SEMA5A: variants seen among roughly 807,000 people sequenced by gnomAD.
SEMA5A encodes the protein semaphorin 5A.
A neutral mutation model predicts 135.5 loss-of-function variants in SEMA5A; 55 were observed. The ratio of observed to expected loss-of-function variants is 0.41; its 90% CI spans 0.33 to 0.51. The LOEUF (loss-of-function observed/expected upper bound fraction) is 0.51. SEMA5A is among the 20% of genes least tolerant of loss of function. The pLI is 0.37. For missense variants in SEMA5A, 1,290 were observed against 1,419.9 expected, an observed-to-expected ratio of 0.91 and a Z score of 1.47; for synonymous variants, 580 against 546.5, an observed-to-expected ratio of 1.06 and a Z score of -0.85.
At chr5:9,352,094 C>CGGT (rs1554023405) in intron 3 of SEMA5A, among the ~76,000 whole-genome samples, 2 of 132,252 alleles carry the variant, frequency 1.5e-5, no homozygotes, top group Non-Finnish European at 3.3e-5. Flanking sequence ...TGTAACAGGT[C>CGGT]GGGGGGGTTA....
intron 3 of SEMA5A, among the ~76,000 whole-genome samples, chr5:9,378,249 T>G (rs1755450143): frequency 6.6e-6 from 1 of 152,196 alleles, no homozygotes; most frequent in Non-Finnish European, 1.5e-5. Context: ...GGAACATTTA[T>G]TTTGCCTTTC....
At chr5:9,256,538 C>T (rs1311297279) in intron 5 of SEMA5A, among the ~76,000 whole-genome samples, 7 of 152,216 alleles carry the variant, frequency 4.6e-5, no homozygotes, top group Admixed American at 4.6e-4. Context: ...TCTACAAGAA[C>T]TTCATAAATA....
intron 3 of SEMA5A, among the ~76,000 whole-genome samples, chr5:9,374,280 C>G (rs1012857827): frequency 2.6e-5 from 4 of 152,034 alleles, no homozygotes; most frequent in Non-Finnish European, 5.9e-5. Flanking sequence ...AAAAAAGATT[C>G]TACCAGCATC....
chr5:9,371,298 C>A (rs1435762743), intron 3 of SEMA5A, among the ~76,000 whole-genome samples: 2 of 152,088 alleles, frequency 1.3e-5, no homozygotes, highest in African/African-American at 2.4e-5. Context: ...AAACCATTTT[C>A]GTCAGTCTAA....
At chr5:9,057,729 G>T (rs1379643467) in intron 18 of SEMA5A, among the ~76,000 whole-genome samples, 2 of 152,204 alleles carry the variant, frequency 1.3e-5, no homozygotes, top group African/African-American at 4.8e-5. Flanking sequence ...AGTACAGAGG[G>T]AACTCAAAGG....
intron 16 of SEMA5A, among the ~76,000 whole-genome samples, chr5:9,091,200 A>G (rs1020865841): frequency 2.6e-5 from 4 of 152,238 alleles, no homozygotes; most frequent in Non-Finnish European, 5.9e-5. Context: ...AACCAAGTCT[A>G]CTTAGAAAAA....
chr5:9,539,673 AT>A (rs1737970004), intron 1 of SEMA5A, among the ~76,000 whole-genome samples: 2 of 152,154 alleles, frequency 1.3e-5, no homozygotes, highest in Non-Finnish European at 2.9e-5. Context: ...ATTTTGGAAT[AT>A]TTGTATTATA....
At chr5:9,471,970 C>T (rs536504016) in intron 1 of SEMA5A, among the ~76,000 whole-genome samples, 12 of 152,316 alleles carry the variant, frequency 7.9e-5, no homozygotes, top group African/African-American at 2.9e-4. Flanking sequence ...AGTGTAAGAT[C>T]TATAATGCAA....
At chr5:9,307,365 G>A (rs954721413) in intron 5 of SEMA5A, among the ~76,000 whole-genome samples, 1 of 152,122 alleles carries the variant, frequency 6.6e-6, no homozygotes, top group African/African-American at 2.4e-5. Context: ...TATCCACAAT[G>A]ACTCTACCCA....
chr5:9,372,299 T>A (rs3798005), intron 3 of SEMA5A, among the ~76,000 whole-genome samples: 50,638 of 151,966 alleles, frequency 0.33, 8,749 homozygotes, highest in Non-Finnish European at 0.4. Context: ...GACAGCCAAA[T>A]CCCAGAGAAG....
intron 10 of SEMA5A, among the ~76,000 whole-genome samples, chr5:9,193,401 T>G (rs887286289): frequency 1.3e-5 from 2 of 152,216 alleles, no homozygotes; most frequent in Non-Finnish European, 2.9e-5. Context: ...TCTCTTCAAG[T>G]AATTCAGTCA....
chr5:9,329,069 T>C (rs908162250), intron 4 of SEMA5A, among the ~76,000 whole-genome samples: 1 of 152,332 alleles, frequency 6.6e-6, no homozygotes, highest in East Asian at 1.9e-4. Context: ...TGACTCTCTG[T>C]CTTCCCTGCC....
chr5:9,068,265 G>A (rs1737583145), intron 16 of SEMA5A, among the ~76,000 whole-genome samples: 1 of 152,200 alleles, frequency 6.6e-6, no homozygotes, highest in Admixed American at 6.5e-5. Context: ...CTGTAGCACA[G>A]AGAAGTCTGT....
At chr5:9,142,862 G>T (rs2150233472) in intron 12 of SEMA5A, among the ~76,000 whole-genome samples, 1 of 152,324 alleles carries the variant, frequency 6.6e-6, no homozygotes. Context: ...CGAGGCAGGA[G>T]AATCACTTGA....
intron 5 of SEMA5A, among the ~76,000 whole-genome samples, chr5:9,288,401 C>T (rs545323496): frequency 2.0e-5 from 3 of 152,284 alleles, no homozygotes; most frequent in East Asian, 1.9e-4. Context: ...AATCGCAGCT[C>T]GGACTTCCCT....
At chr5:9,398,471 G>A (rs955849214) in intron 2 of SEMA5A, among the ~76,000 whole-genome samples, 8 of 152,202 alleles carry the variant, frequency 5.3e-5, no homozygotes, top group Non-Finnish European at 8.8e-5. Context: ...AGTGGTTAAT[G>A]GTGATTCTCA....
At chr5:9,119,757 A>C (rs1359625883) in intron 14 of SEMA5A, among the ~76,000 whole-genome samples, 1 of 152,202 alleles carries the variant, frequency 6.6e-6, no homozygotes, top group Admixed American at 6.5e-5. Context: ...AACTTTATTA[A>C]AAATTTAAAA....
intron 6 of SEMA5A, among the ~76,000 whole-genome samples, chr5:9,232,392 C>T (rs1456041744): frequency 6.6e-6 from 1 of 152,142 alleles, no homozygotes; most frequent in Admixed American, 6.5e-5. Flanking sequence ...TGAAGAAGAG[C>T]AATTTACAGG....
At chr5:9,470,244 C>T (rs1049216181) in intron 1 of SEMA5A, among the ~76,000 whole-genome samples, 1 of 152,162 alleles carries the variant, frequency 6.6e-6, no homozygotes, top group African/African-American at 2.4e-5. Context: ...AAAGAAGTTT[C>T]AGAAGTGGGA....
Sources: allele counts gnomAD v4.1 joint callset (sites outside exome capture counted in the v4.1 genomes callset), GRCh38; gene constraint gnomAD v4.1.1; transcripts MANE v1.5; gene names NCBI Gene and HGNC (gene_info 2026-07-23, HGNC 2026-07-21).